Variants in DPY19L4 observed in about 807,000 individuals in gnomAD.
DPY19L4 encodes the protein probable C-mannosyltransferase DPY19L4.
A neutral mutation model predicts 102.8 loss-of-function variants in DPY19L4; 97 were observed. The observed-to-expected ratio is 0.94, with a 90% CI of 0.80 to 1.12. The LOEUF (loss-of-function observed/expected upper bound fraction) is 1.12. Ranked by LOEUF, DPY19L4 falls within the 50% of genes most tolerant of loss-of-function variation. The pLI is 0.00. For missense variants in DPY19L4, 815 were observed against 850.4 expected (o/e 0.96, Z 0.52); for synonymous variants, 252 against 283.1 (o/e 0.89, Z 1.10).
chr8:94,769,806 T>C (rs1257440369), intron 12 of DPY19L4, among the ~76,000 whole-genome samples: 1 of 152,082 alleles, frequency 6.6e-6, no homozygotes, highest in Admixed American at 6.6e-5. Context: ...CAAATTATCA[T>C]TTAACTATAT....
At chr8:94,768,248 A>G in intron 11 of DPY19L4, 147 bp from the exon 12 acceptor site, 1 of 581,226 alleles carries the variant, frequency 1.7e-6, no homozygotes. Flanking sequence ...TATTATCTTC[A>G]TTTATAAAGG....
chr8:94,764,718 T>TATATATATATATATA (rs1491418916), intron 8 of DPY19L4, among the ~76,000 whole-genome samples: 2 of 50,594 alleles, frequency 4.0e-5, no homozygotes, highest in African/African-American at 2.4e-4. Context: ...TATATATATA[T>TATATATATATATATA]TTTTTTTTTT....
intron 6 of DPY19L4, among the ~76,000 whole-genome samples, chr8:94,741,078 G>T (rs1157916103): frequency 6.6e-6 from 1 of 152,108 alleles, no homozygotes; most frequent in East Asian, 1.9e-4. Context: ...TATGTGTAAA[G>T]GCTTGATGGG....
intron 8 of DPY19L4, among the ~76,000 whole-genome samples, chr8:94,762,723 G>T (rs1812445589): frequency 6.6e-6 from 1 of 152,058 alleles, no homozygotes. Flanking sequence ...AACATAGTGA[G>T]ACCCTATCCC....
intron 10 of DPY19L4, among the ~76,000 whole-genome samples, chr8:94,766,067 T>C (rs114440655): frequency 6.6e-6 from 1 of 152,204 alleles, no homozygotes; most frequent in Non-Finnish European, 1.5e-5. Context: ...AAGCAATATA[T>C]GGAATAAAGT....
chr8:94,735,099 A>G (rs999119172), intron 3 of DPY19L4, among the ~76,000 whole-genome samples: 2 of 152,188 alleles, frequency 1.3e-5, no homozygotes, highest in African/African-American at 4.8e-5. Flanking sequence ...TAATTTTTAG[A>G]TCACATGATT....
intron 11 of DPY19L4, 74 bp downstream of exon 11, chr8:94,766,759 C>A: frequency 7.4e-7 from 1 of 1,350,604 alleles, no homozygotes; most frequent in Non-Finnish European, 1.0e-6. Flanking sequence ...ACTCGATGGC[C>A]GGGCATAGTG....
At chr8:94,787,777 G>A (rs1326543123) in intron 17 of DPY19L4, 117 bp from the exon 18 acceptor site, 2 of 337,738 alleles carry the variant, frequency 5.9e-6, no homozygotes, top group Non-Finnish European at 9.8e-6. Flanking sequence ...ATATATAATC[G>A]TACTTAGAAC....
At chr8:94,777,904 T>C in intron 14 of DPY19L4, 118 bp downstream of exon 14, 1 of 1,235,382 alleles carries the variant, frequency 8.1e-7, no homozygotes, top group Non-Finnish European at 1.1e-6. Flanking sequence ...GACTTACAGG[T>C]AGAAAAACAG....
intron 7 of DPY19L4, among the ~76,000 whole-genome samples, chr8:94,758,629 T>C (rs1315439671): frequency 1.3e-5 from 2 of 152,212 alleles, no homozygotes; most frequent in East Asian, 3.8e-4. Context: ...TATGTAACCT[T>C]TTAAGATTAG....
In DPY19L4 at chr8:94,783,524, C is replaced by T. The variant is rs1233901956; in HGVS notation, c.1716-146C>T. On this transcript the variant is annotated intron_variant, in intron 16 of 18. Transcript: ENST00000414645. ...AGGTGCCCAATTTTTTTGAATGAATCCATGAATGAAATGAAATGAAAACTG... is the reference window on the plus strand; with the variant it reads ...AGGTGCCCAATTTTTTTGAATGAATTCATGAATGAAATGAAATGAAAACTG... The T allele has an allele frequency of 5.1e-6, 6 of 1,183,830 alleles. No individual in the cohort carries two copies. In the African/African-American group the frequency reaches 6.3e-5, roughly 12 times the overall value. The allele number at this position is 1,183,830 out of a possible 1,614,324, so 73.3% of individuals were successfully genotyped here. A position where few individuals can be genotyped will look rare whatever the true frequency, so the allele number is the denominator to read the frequency against.
At chr8:94,782,581 T>C (rs909063818) in intron 16 of DPY19L4, among the ~76,000 whole-genome samples, 3 of 150,412 alleles carry the variant, frequency 2.0e-5, no homozygotes, top group African/African-American at 4.9e-5. Flanking sequence ...TAAAAGAAGA[T>C]AAGAAAACAT....
intron 6 of DPY19L4, among the ~76,000 whole-genome samples, chr8:94,750,123 T>C (rs1811853325): frequency 6.6e-6 from 1 of 152,140 alleles, no homozygotes; most frequent in African/African-American, 2.4e-5. Context: ...AGCCAGCTAA[T>C]TTTTGTATTT....
At chr8:94,770,690 G>A in intron 13 of DPY19L4, 119 bp downstream of exon 13, 1 of 1,308,970 alleles carries the variant, frequency 7.6e-7, no homozygotes, top group East Asian at 2.4e-5. Context: ...CTGAGTTCAG[G>A]AGTTTGAGAC....
intron 12 of DPY19L4, among the ~76,000 whole-genome samples, chr8:94,769,796 C>T (rs942547863): frequency 4.0e-5 from 6 of 151,456 alleles, no homozygotes; most frequent in African/African-American, 1.5e-4. Context: ...TTTAGTTATT[C>T]AAATTATCAT....
At chr8:94,735,348 T>C (rs1283712090) in intron 3 of DPY19L4, among the ~76,000 whole-genome samples, 1 of 152,228 alleles carries the variant, frequency 6.6e-6, no homozygotes, top group Admixed American at 6.5e-5. Flanking sequence ...TTTGTTTTTC[T>C]TATTTTTTAG....
At chr8:94,757,598 C>G (rs982573990) in intron 7 of DPY19L4, among the ~76,000 whole-genome samples, 6 of 151,862 alleles carry the variant, frequency 4.0e-5, no homozygotes, top group Admixed American at 2.0e-4. Context: ...TTAGTAGAGA[C>G]GGGGTATCAC....
intron 4 of DPY19L4, among the ~76,000 whole-genome samples, chr8:94,738,809 G>A (rs1039603937): frequency 3.3e-5 from 5 of 151,964 alleles, no homozygotes; most frequent in African/African-American, 9.7e-5. Flanking sequence ...ACTGCGCCCG[G>A]CTGTAATATC....
At chr8:94,730,097 G>A (rs775673314) in intron 2 of DPY19L4, among the ~76,000 whole-genome samples, 8 of 149,800 alleles carry the variant, frequency 5.3e-5, no homozygotes, top group Admixed American at 6.7e-5. Context: ...TTGTGAAATT[G>A]AATCCTGCAT....
Sources: allele counts gnomAD v4.1 joint callset (sites outside exome capture counted in the v4.1 genomes callset), GRCh38; gene constraint gnomAD v4.1.1; transcripts MANE v1.5; gene names NCBI Gene and HGNC (gene_info 2026-07-23, HGNC 2026-07-21).